The following TMCO1 variants were observed in gnomAD, a reference collection of about 807,000 sequenced individuals.
TMCO1 encodes the protein transmembrane and coiled-coil domains 1.
A neutral mutation model predicts 29.3 loss-of-function variants in TMCO1; 29 were observed. The observed-to-expected ratio is 0.99, with a 90% CI of 0.74 to 1.35. The LOEUF (loss-of-function observed/expected upper bound fraction) is 1.35. Among genes scored for constraint, TMCO1 ranks in the 40% most tolerant of loss-of-function variants. The pLI, the probability that TMCO1 is intolerant of heterozygous loss-of-function variation, is 0.00. For missense variants in TMCO1, 173 were observed against 225.5 expected, an observed-to-expected ratio of 0.77 and a Z score of 1.49; for synonymous variants, 80 against 77.1, an observed-to-expected ratio of 1.04 and a Z score of -0.20.
chr1:165,727,976 T>C lies in TMCO1; in HGVS notation c.*47A>G, dbSNP rs753789740. 1.1e-5 allele frequency: 15 copies of C among 1,381,738 alleles called. No homozygotes were observed. The highest frequency in any genetic ancestry group is 2.9e-5 in the African/African-American group (2 of 69,860). 85.6% of individuals were successfully genotyped at this position (1,381,738 alleles called of 1,614,324 possible). A position where few individuals can be genotyped will look rare whatever the true frequency, so the allele number is the denominator to read the frequency against. On this transcript the variant is annotated 3_prime_UTR_variant, in exon 7 of 7. Coordinates refer to ENST00000367881, the MANE Select transcript of TMCO1 (RefSeq NM_019026.6). ...TGCTACAAAACAGTTGCCAGTCTGA[T>C]GTGTGTGTGTCTAGAAAGAATGATA... is the stretch of plus-strand genomic sequence containing the variant.
chr1:165,752,721 G>A (rs1449748183), intron 4 of TMCO1, among the ~76,000 whole-genome samples: 1 of 151,674 alleles, frequency 6.6e-6, no homozygotes, highest in South Asian at 2.1e-4. Flanking sequence ...TTGAACCTGA[G>A]AGGCGGAGGT....
chr1:165,750,879 G>C (rs973732278), intron 5 of TMCO1, among the ~76,000 whole-genome samples: 16 of 152,128 alleles, frequency 1.1e-4, no homozygotes, highest in African/African-American at 3.6e-4. Context: ...AGACCAGCCT[G>C]GCCAACATGG....
chr1:165,735,870 A>G (rs574301615), intron 6 of TMCO1, among the ~76,000 whole-genome samples: 2 of 152,330 alleles, frequency 1.3e-5, no homozygotes, highest in South Asian at 4.1e-4. Flanking sequence ...AGTTAAGACT[A>G]AAATAACTGA....
At chr1:165,767,708 G>A (rs1652625744) in intron 2 of TMCO1, among the ~76,000 whole-genome samples, 1 of 151,796 alleles carries the variant, frequency 6.6e-6, no homozygotes, top group Non-Finnish European at 1.5e-5. Flanking sequence ...TTAAAGACAA[G>A]TCTCACTATT....
chr1:165,768,845 A>C lies in TMCO1; in HGVS notation c.-94T>G. 6.3e-7 allele frequency: 1 copy of C among 1,583,536 alleles called. No homozygotes were observed. Among genetic ancestry groups the C allele is most frequent in the East Asian group, 2.3e-5 (1 of 43,830 alleles). On this transcript the variant is annotated 5_prime_UTR_variant, in exon 1 of 7. Transcript: ENST00000367881. ...GAAAACGGCTTCCGTAGACTCCGCC[A>C]CCACCGAGTAACAGACCAACTCTGA...
At chr1:165,760,787 G>A (rs961137251) in intron 2 of TMCO1, among the ~76,000 whole-genome samples, 3 of 151,876 alleles carry the variant, frequency 2.0e-5, no homozygotes, top group African/African-American at 4.8e-5. Flanking sequence ...GCGACAGAGC[G>A]AGACCCCATC....
intron 4 of TMCO1, among the ~76,000 whole-genome samples, chr1:165,752,890 G>A (rs530561297): frequency 6.6e-6 from 1 of 152,270 alleles, no homozygotes; most frequent in South Asian, 2.1e-4. Context: ...ACCCGGTGAG[G>A]AAGAATATTG....
intron 1 of TMCO1, 48 bp downstream of exon 1, chr1:165,768,634 C>G: frequency 6.2e-7 from 1 of 1,613,728 alleles, no homozygotes; most frequent in Non-Finnish European, 8.5e-7. Flanking sequence ...ACCCCGGGGC[C>G]CTTCCTCCCG....
At chr1:165,743,862 TC>T (rs1651691573) in intron 5 of TMCO1, among the ~76,000 whole-genome samples, 1 of 151,386 alleles carries the variant, frequency 6.6e-6, no homozygotes, top group Non-Finnish European at 1.5e-5. Flanking sequence ...TTCTGATAAT[TC>T]CTTTTTTTTT....
At chr1:165,728,358 G>A (rs1452806382) in intron 6 of TMCO1, among the ~76,000 whole-genome samples, 8 of 151,530 alleles carry the variant, frequency 5.3e-5, no homozygotes, top group Admixed American at 6.6e-5. Flanking sequence ...CCAGGTTCAC[G>A]TCATTCTCCT....
chr1:165,740,066 C>T (rs566269462), intron 6 of TMCO1, among the ~76,000 whole-genome samples: 2 of 151,866 alleles, frequency 1.3e-5, no homozygotes, highest in Admixed American at 1.3e-4. Flanking sequence ...GAGCCGAGAT[C>T]GAGCTATTGC....
chr1:165,725,057 T>C (rs1340214334), downstream of TMCO1: 1 of 371,122 alleles, frequency 2.7e-6, no homozygotes, highest in Non-Finnish European at 5.1e-6. Flanking sequence ...TAAAATAGTG[T>C]ATATACATAA....
intron 6 of TMCO1, among the ~76,000 whole-genome samples, chr1:165,742,012 G>C (rs1263887582): frequency 6.6e-6 from 1 of 152,150 alleles, no homozygotes; most frequent in African/African-American, 2.4e-5. Flanking sequence ...CCCAGTCTCA[G>C]GTATTTCTTT....
At chr1:165,760,558 C>T (rs1464369285) in intron 2 of TMCO1, among the ~76,000 whole-genome samples, 1 of 152,072 alleles carries the variant, frequency 6.6e-6, no homozygotes, top group Non-Finnish European at 1.5e-5. Context: ...AATTCCAGCA[C>T]TTTGGAAGGC....
intron 3 of TMCO1, 103 bp downstream of exon 3, chr1:165,759,422 A>T: frequency 1.2e-6 from 1 of 851,408 alleles, no homozygotes; most frequent in Non-Finnish European, 1.9e-6. Flanking sequence ...ATAAAATCAT[A>T]GAAATGTGAG....
At chr1:165,728,550 C>T (rs1305980754) in intron 6 of TMCO1, among the ~76,000 whole-genome samples, 1 of 152,038 alleles carries the variant, frequency 6.6e-6, no homozygotes, top group Admixed American at 6.6e-5. Flanking sequence ...GTCACCGCAC[C>T]TGGCAATCAC....
intron 4 of TMCO1, among the ~76,000 whole-genome samples, chr1:165,753,566 A>G (rs2101808131): frequency 6.6e-6 from 1 of 151,430 alleles, no homozygotes; most frequent in East Asian, 1.9e-4. Flanking sequence ...TGGAGGATCC[A>G]TCACTTGAGC....
At position 165,750,573 on chromosome 1, in the gene TMCO1, T is replaced by A. The variant is rs149439108; in HGVS notation, c.323+1529A>T. ...AAAAAGAAAAAAAAAAAAAAGTACA[T>A]CCATTCAATGGAACATTATAAAGAC... On this transcript the variant is annotated intron_variant, in intron 5 of 6. Transcript: ENST00000367881. Among the ~76,000 whole-genome samples, 154 of 146,554 alleles carry A rather than the reference T, an allele frequency of 1.1e-3. 1 individual carries two copies. The highest frequency in any genetic ancestry group is 3.8e-3 in the African/African-American group (149 of 39,398).
intron 6 of TMCO1, among the ~76,000 whole-genome samples, chr1:165,729,114 A>C (rs1173605482): frequency 6.6e-6 from 1 of 151,030 alleles, no homozygotes; most frequent in African/African-American, 2.4e-5. Context: ...AAAAAAAAAA[A>C]AAAAAAAAAA....
Sources: gnomAD v4.1 joint callset for allele counts (sites outside exome capture counted in the v4.1 genomes callset) on GRCh38, gnomAD v4.1.1 for gene constraint, MANE v1.5 for transcripts, NCBI Gene and HGNC (gene_info 2026-07-23, HGNC 2026-07-21) for gene names.